SORCS2: variants seen among roughly 807,000 people sequenced by gnomAD.
The protein encoded by SORCS2 is VPS10 domain-containing receptor SorCS2.
SORCS2 carries 100 observed loss-of-function variants against 141.6 expected under a neutral mutation model. The observed-to-expected ratio is 0.71, with a 90% CI of 0.60 to 0.83. The LOEUF (loss-of-function observed/expected upper bound fraction) is 0.83, where lower values mean the gene tolerates loss of function less well. Ranked by LOEUF, SORCS2 falls within the 40% of genes least tolerant of loss-of-function variation. SORCS2 has a pLI of 0.00. For missense variants in SORCS2, 1,646 were observed against 1,560.2 expected, an observed-to-expected ratio of 1.05 and a Z score of -0.93; for synonymous variants, 789 against 676.9, an observed-to-expected ratio of 1.17 and a Z score of -2.57.
chr4:7,318,634 G>T (rs1230115983), intron 1 of SORCS2, among the ~76,000 whole-genome samples: 1 of 152,166 alleles, frequency 6.6e-6, no homozygotes, highest in Non-Finnish European at 1.5e-5. Context: ...TCAGTAACTG[G>T]TGCATGGCTA....
intron 17 of SORCS2, 115 bp downstream of exon 17, chr4:7,715,426 G>A (rs373952801): frequency 2.2e-5 from 33 of 1,466,996 alleles, no homozygotes; most frequent in Middle Eastern, 3.6e-4. Context: ...AAGTGGAGTC[G>A]GGGAAAGAGA....
chr4:7,236,769 C>T (rs1455686126), intron 1 of SORCS2, among the ~76,000 whole-genome samples: 2 of 152,132 alleles, frequency 1.3e-5, no homozygotes, highest in African/African-American at 2.4e-5. Flanking sequence ...TTATTAGAGA[C>T]AGGGTTTCAC....
chr4:7,270,341 C>T (rs1001525059), intron 1 of SORCS2, among the ~76,000 whole-genome samples: 26 of 152,254 alleles, frequency 1.7e-4, no homozygotes, highest in Admixed American at 1.7e-3. Flanking sequence ...TGGCAGCTCC[C>T]CACGGCTGCG....
At chr4:7,500,336 C>T (rs760251924) in intron 2 of SORCS2, among the ~76,000 whole-genome samples, 3 of 152,158 alleles carry the variant, frequency 2.0e-5, no homozygotes, top group Non-Finnish European at 4.4e-5. Flanking sequence ...TGCTCTGTGC[C>T]GGCTCTTGGA....
intron 2 of SORCS2, among the ~76,000 whole-genome samples, chr4:7,498,082 G>C (rs1175726342): frequency 6.6e-6 from 1 of 152,162 alleles, no homozygotes; most frequent in Non-Finnish European, 1.5e-5. Context: ...TGACATCCAC[G>C]CACCCACATT....
chr4:7,529,443 C>T (rs1192270747), intron 2 of SORCS2, among the ~76,000 whole-genome samples: 3 of 152,216 alleles, frequency 2.0e-5, no homozygotes, highest in African/African-American at 4.8e-5. Flanking sequence ...CTCATGGGCT[C>T]CTAGCTGCAG....
chr4:7,533,887 GT>G (rs889509892), intron 3 of SORCS2, among the ~76,000 whole-genome samples: 7 of 152,204 alleles, frequency 4.6e-5, no homozygotes, highest in Admixed American at 2.0e-4. Flanking sequence ...CAGCAGAGGG[GT>G]TCCTAGGCAG....
At chr4:7,351,210 G>A (rs1372096701) in intron 1 of SORCS2, among the ~76,000 whole-genome samples, 1 of 152,148 alleles carries the variant, frequency 6.6e-6, no homozygotes, top group Non-Finnish European at 1.5e-5. Context: ...AATTGTGAGC[G>A]CAGGGACTTC....
At chr4:7,681,146 G>A (rs1001401776) in intron 9 of SORCS2, among the ~76,000 whole-genome samples, 1 of 152,178 alleles carries the variant, frequency 6.6e-6, no homozygotes, top group African/African-American at 2.4e-5. Flanking sequence ...GTGTCCTTGG[G>A]GGTCAGGGGA....
chr4:7,737,857 C>G (rs1712322479), intron 26 of SORCS2, among the ~76,000 whole-genome samples: 1 of 152,198 alleles, frequency 6.6e-6, no homozygotes, highest in South Asian at 2.1e-4. Context: ...GCAGTCATCT[C>G]AAAGCTTGCC....
intron 2 of SORCS2, among the ~76,000 whole-genome samples, chr4:7,478,915 C>T (rs964132399): frequency 3.3e-5 from 5 of 152,206 alleles, no homozygotes; most frequent in Admixed American, 2.0e-4. Flanking sequence ...TCACTCAAAG[C>T]CTCCGTGGCC....
At chr4:7,232,655 C>T (rs1002709941) in intron 1 of SORCS2, among the ~76,000 whole-genome samples, 30 of 152,346 alleles carry the variant, frequency 2.0e-4, no homozygotes, top group Middle Eastern at 3.4e-3. Flanking sequence ...GGCTCCTGCC[C>T]GCGCCAGCTG....
intron 6 of SORCS2, 49 bp downstream of exon 6, chr4:7,661,613 C>G (rs1355077243): frequency 1.3e-6 from 2 of 1,507,084 alleles, no homozygotes; most frequent in Non-Finnish European, 1.8e-6. Flanking sequence ...TCACCTCGCA[C>G]CCGACACAGC....
intron 2 of SORCS2, among the ~76,000 whole-genome samples, chr4:7,448,612 TC>T (rs1560292642): frequency 5.5e-5 from 4 of 73,252 alleles, no homozygotes; most frequent in African/African-American, 7.9e-5. Context: ...ATCCCTTCCT[TC>T]CTTCCTTCCT....
chr4:7,541,214 T>A (rs1198284936), intron 3 of SORCS2, among the ~76,000 whole-genome samples: 1 of 152,182 alleles, frequency 6.6e-6, no homozygotes, highest in Admixed American at 6.5e-5. Flanking sequence ...TGCGTGCACC[T>A]GTGGCCTCCG....
At chr4:7,633,823 C>CAACATG (rs1168978862) in intron 3 of SORCS2, among the ~76,000 whole-genome samples, 3 of 59,774 alleles carry the variant, frequency 5.0e-5, no homozygotes, top group African/African-American at 7.2e-5. Flanking sequence ...CGGCCAGCTC[C>CAACATG]GTGTCCTGTT....
chr4:7,741,679 G>A lies in SORCS2; in HGVS notation c.*1415G>A, dbSNP rs149349259. The A allele has an allele frequency of 1.2e-4, 19 of 164,496 alleles. No homozygotes were observed. The East Asian group carries it at 3.3e-3, about 29-fold the overall frequency. 10.2% of individuals were successfully genotyped at this position (164,496 alleles called of 1,614,324 possible). On this transcript the variant is annotated 3_prime_UTR_variant, in exon 27 of 27. Coordinates refer to ENST00000507866, the MANE Select transcript of SORCS2 (RefSeq NM_020777.3). ...CTGGATGGTGATGCGCTGGCTGGGGGTGAATCCCAATGAGGGTCCCTCTCA... is the reference window on the plus strand; with the variant it reads ...CTGGATGGTGATGCGCTGGCTGGGGATGAATCCCAATGAGGGTCCCTCTCA...
At chr4:7,479,041 A>T (rs1730470443) in intron 2 of SORCS2, among the ~76,000 whole-genome samples, 1 of 152,146 alleles carries the variant, frequency 6.6e-6, no homozygotes, top group African/African-American at 2.4e-5. Context: ...GGATTCACAG[A>T]AGTCTGATAA....
At chr4:7,298,481 T>A (rs1717222112) in intron 1 of SORCS2, among the ~76,000 whole-genome samples, 1 of 152,166 alleles carries the variant, frequency 6.6e-6, no homozygotes. Context: ...CTCTGATCGG[T>A]CAGCGACCCA....
Sources: allele counts gnomAD v4.1 joint callset (sites outside exome capture counted in the v4.1 genomes callset), GRCh38; gene constraint gnomAD v4.1.1; transcripts MANE v1.5; gene names NCBI Gene and HGNC (gene_info 2026-07-23, HGNC 2026-07-21).